HRH2: variants seen among roughly 807,000 people sequenced by gnomAD.
HRH2 encodes the protein histamine receptor H2.
HRH2 carries 4 observed loss-of-function variants against 20.1 expected under a neutral mutation model. The ratio of observed to expected loss-of-function variants is 0.20; its 90% confidence interval spans 0.10 to 0.45. HRH2 has a LOEUF of 0.45. HRH2 is among the 20% of genes least tolerant of loss of function. HRH2 has a pLI of 0.99. For synonymous variants in HRH2, 197 were observed against 200.7 expected, an observed-to-expected ratio of 0.98 and a Z score of 0.16; for missense variants, 250 against 461.6, an observed-to-expected ratio of 0.54 and a Z score of 4.20.
chr5:175,690,890 T>C (rs1756349401), intron 2 of HRH2, among the ~76,000 whole-genome samples: 1 of 152,246 alleles, frequency 6.6e-6, no homozygotes, highest in Admixed American at 6.5e-5. Flanking sequence ...TAGCATAACA[T>C]TGCCACGGTG....
Position 175,693,824 on chromosome 5 carries a change from C to T in HRH2, c.1076+9515C>T, listed in dbSNP as rs1756465124. ...CCCCGCTTTTGTTCCACCTGGTGTTCGTTCCTGAACAGGCTGCACATCTCT... is the reference window on the plus strand; with the variant it reads ...CCCCGCTTTTGTTCCACCTGGTGTTTGTTCCTGAACAGGCTGCACATCTCT... On this transcript the variant is annotated intron_variant, in intron 2 of 2. Transcript: ENST00000636584. The surrounding 1 kb of genome is among the most constrained non-coding windows in gnomAD (Gnocchi z 4.4). Among the ~76,000 whole-genome samples, 1 of 152,172 alleles carries T rather than the reference C, an allele frequency of 6.6e-6. No homozygotes were observed. Among genetic ancestry groups the T allele is most frequent in the African/African-American group, 2.4e-5 (1 of 41,424 alleles).
In HRH2 at chr5:175,681,651, T is replaced by C. The variant is rs926554668; in HGVS notation, c.-525-1058T>C. ...AGGCATTGCACATGCAGTTACTTTATTGACGTAGTGTTTGCACTACTTCAA... is the reference window on the plus strand; with the variant it reads ...AGGCATTGCACATGCAGTTACTTTACTGACGTAGTGTTTGCACTACTTCAA... On this transcript the variant is annotated intron_variant, in intron 1 of 2. Transcript: ENST00000636584. This position sits in a 1 kb window ranked among gnomAD's most constrained non-coding sequence, Gnocchi z 4.3. 1.3e-5 allele frequency among the ~76,000 whole-genome samples: 2 copies of C among 152,208 alleles called. No individual in the cohort carries two copies. Among genetic ancestry groups the C allele is most frequent in the African/African-American group, 4.8e-5 (2 of 41,452 alleles).
chr5:175,697,871 G>C (rs1756656375), intron 2 of HRH2, among the ~76,000 whole-genome samples: 1 of 152,180 alleles, frequency 6.6e-6, no homozygotes, highest in African/African-American at 2.4e-5. Flanking sequence ...AGCTCAGGCT[G>C]CTCTCTGCCT....
chr5:175,705,771 T>C (rs1257906610), intron 2 of HRH2, among the ~76,000 whole-genome samples: 1 of 152,038 alleles, frequency 6.6e-6, no homozygotes, highest in Non-Finnish European at 1.5e-5. Context: ...CAAGCGATCC[T>C]CCTGCTTCAG....
intron 2 of HRH2, among the ~76,000 whole-genome samples, chr5:175,689,719 A>G (rs1328301702): frequency 3.3e-5 from 5 of 152,290 alleles, no homozygotes; most frequent in South Asian, 2.1e-4. Flanking sequence ...GAATCATAGA[A>G]CCTCGGGGTG....
chr5:175,666,985 A>G (rs1000985070), intron 1 of HRH2, among the ~76,000 whole-genome samples: 57 of 151,656 alleles, frequency 3.8e-4, no homozygotes, highest in Non-Finnish European at 1.5e-4. Context: ...GTTGTGGTTT[A>G]TTCTCCCAGG....
intron 1 of HRH2, among the ~76,000 whole-genome samples, chr5:175,659,178 G>C (rs1336919687): frequency 6.6e-6 from 1 of 152,164 alleles, no homozygotes; most frequent in Non-Finnish European, 1.5e-5. Flanking sequence ...CTGCACACCT[G>C]TCCTGAGGCT....
intron 1 of HRH2, among the ~76,000 whole-genome samples, chr5:175,669,906 G>A (rs527364368): frequency 2.6e-4 from 39 of 152,338 alleles, no homozygotes; most frequent in African/African-American, 8.7e-4. Context: ...TGCCTTTACC[G>A]TTCATGGACT....
chr5:175,685,868 G>A (rs1756154910), intron 2 of HRH2: 1 of 210,658 alleles, frequency 4.7e-6, no homozygotes, highest in South Asian at 9.3e-5. Context: ...AGGGCTCCAG[G>A]TTCTGGAGTT....
At chr5:175,679,197 C>T (rs1049809636) in intron 1 of HRH2, among the ~76,000 whole-genome samples, 4 of 152,090 alleles carry the variant, frequency 2.6e-5, no homozygotes, top group African/African-American at 9.7e-5. Context: ...ATTCAGTTCC[C>T]GGGGAGACAC....
At chr5:175,671,935 G>A (rs1402111175) in intron 1 of HRH2, among the ~76,000 whole-genome samples, 1 of 152,062 alleles carries the variant, frequency 6.6e-6, no homozygotes, top group Non-Finnish European at 1.5e-5. Context: ...TGGGCAAGGA[G>A]AGCCGGGATG....
intron 1 of HRH2, among the ~76,000 whole-genome samples, chr5:175,667,701 A>G (rs1371541063): frequency 6.6e-6 from 1 of 152,114 alleles, no homozygotes; most frequent in Non-Finnish European, 1.5e-5. Context: ...TCATTATTTC[A>G]TAGTTTCCAA....
intron 1 of HRH2, among the ~76,000 whole-genome samples, chr5:175,678,383 C>A (rs748773773): frequency 1.3e-5 from 2 of 152,244 alleles, no homozygotes; most frequent in Non-Finnish European, 1.5e-5. Flanking sequence ...CCCTTTACTG[C>A]CTTCATTTCA....
chr5:175,658,873 C>A (rs1265819779), intron 1 of HRH2, among the ~76,000 whole-genome samples: 1 of 152,222 alleles, frequency 6.6e-6, no homozygotes, highest in Non-Finnish European at 1.5e-5. Flanking sequence ...GCCTCAGTTT[C>A]CTCCTCCATG....
chr5:175,684,498 T>G, intron 2 of HRH2, 189 bp downstream of exon 2: 1 of 345,258 alleles, frequency 2.9e-6, no homozygotes, highest in Non-Finnish European at 4.1e-6. Context: ...AGCTCCCTTT[T>G]AAAAGGAGCA....
chr5:175,676,119 G>A (rs903545561), intron 1 of HRH2, among the ~76,000 whole-genome samples: 5 of 152,230 alleles, frequency 3.3e-5, no homozygotes, highest in East Asian at 1.9e-4. Context: ...GTTCTGTCAC[G>A]TGCACGTTTA....
intron 2 of HRH2, among the ~76,000 whole-genome samples, chr5:175,684,640 C>A (rs1448966779): frequency 6.6e-6 from 1 of 152,208 alleles, no homozygotes; most frequent in Non-Finnish European, 1.5e-5. Flanking sequence ...ATGTTTGAAG[C>A]CTGACTGCCA....
intron 1 of HRH2, among the ~76,000 whole-genome samples, chr5:175,667,187 T>C (rs1409229778): frequency 3.9e-5 from 6 of 152,182 alleles, no homozygotes; most frequent in African/African-American, 1.4e-4. Context: ...CTCATGTCTG[T>C]AATTCCAGCA....
intron 2 of HRH2, among the ~76,000 whole-genome samples, chr5:175,698,627 C>A (rs956911209): frequency 2.0e-5 from 3 of 152,192 alleles, no homozygotes; most frequent in Non-Finnish European, 2.9e-5. Flanking sequence ...AAGCCAACCC[C>A]CTCCGTCTCG....
Sources: allele counts gnomAD v4.1 joint callset (sites outside exome capture counted in the v4.1 genomes callset), GRCh38; gene constraint gnomAD v4.1.1; non-coding constraint Gnocchi (gnomAD v3.1); transcripts MANE v1.5; gene names NCBI Gene and HGNC (gene_info 2026-07-23, HGNC 2026-07-21).